The following ECT2L variants were observed in gnomAD, a reference collection of about 807,000 sequenced individuals.
ECT2L encodes epithelial cell transforming 2 like.
ECT2L carries 126 observed loss-of-function variants against 122.8 expected under a neutral mutation model. The observed-to-expected ratio is 1.03, with a 90% CI of 0.89 to 1.19. The LOEUF (loss-of-function observed/expected upper bound fraction) is 1.19, where lower values mean the gene tolerates loss of function less well. ECT2L is among the 50% of genes most tolerant of loss of function. The pLI is 0.00. For synonymous variants in ECT2L, 385 were observed against 381.8 expected, an observed-to-expected ratio of 1.01 and a Z score of -0.10; for missense variants, 1,012 against 1,064.1, an observed-to-expected ratio of 0.95 and a Z score of 0.68.
At chr6:138,885,888 TC>T in intron 18 of ECT2L, 58 bp downstream of exon 18, 1 of 1,531,820 alleles carries the variant, frequency 6.5e-7, no homozygotes, top group Non-Finnish European at 8.9e-7. Context: ...TTTGTGGTAC[TC>T]CCACTCAAAG....
chr6:138,864,526 A>G (rs976555833), intron 11 of ECT2L, among the ~76,000 whole-genome samples: 3 of 152,208 alleles, frequency 2.0e-5, no homozygotes, highest in African/African-American at 7.2e-5. Flanking sequence ...GCGAGGTAGC[A>G]GTTTGACATA....
At chr6:138,871,379 G>A (rs1446411105) in intron 13 of ECT2L, among the ~76,000 whole-genome samples, 2 of 152,154 alleles carry the variant, frequency 1.3e-5, no homozygotes, top group African/African-American at 2.4e-5. Context: ...TGATATTCTG[G>A]AAGTATTTGT....
At chr6:138,838,224 T>G in intron 4 of ECT2L, 128 bp from the exon 5 acceptor site, 3 of 969,520 alleles carry the variant, frequency 3.1e-6, no homozygotes, top group African/African-American at 1.7e-5. Flanking sequence ...AAATCTAGAT[T>G]TATGTTTTGT....
At chr6:138,871,050 G>A (rs1474960096) in intron 13 of ECT2L, among the ~76,000 whole-genome samples, 5 of 152,048 alleles carry the variant, frequency 3.3e-5, no homozygotes, top group African/African-American at 1.2e-4. Flanking sequence ...AGACTCTGTC[G>A]TAAATAAATA....
intron 8 of ECT2L, among the ~76,000 whole-genome samples, chr6:138,847,757 C>A (rs565522681): frequency 2.3e-4 from 35 of 151,896 alleles, no homozygotes; most frequent in Non-Finnish European, 4.4e-4. Flanking sequence ...AACAATAGAA[C>A]CTAAAATCCT....
intron 3 of ECT2L, among the ~76,000 whole-genome samples, chr6:138,813,824 T>G (rs549336553): frequency 6.6e-6 from 1 of 152,258 alleles, no homozygotes; most frequent in East Asian, 1.9e-4. Context: ...GCAAACTGGG[T>G]GCTCTTGTGA....
rs1172339675 is a variant in ECT2L, at chr6:138,902,437, A to AT, written c.2588-57dup. The AT allele has an allele frequency of 4.0e-6, 6 of 1,491,504 alleles. No homozygotes were observed. The South Asian group carries it at 4.9e-5, about 12-fold the overall frequency. 92.4% of individuals were successfully genotyped at this position (1,491,504 alleles called of 1,614,324 possible). On this transcript the variant is annotated intron_variant, in intron 21 of 21. Transcript: ENST00000541398. The stretch of plus-strand genomic sequence containing the variant: ...AAGATGATGATTTTTGAGTATTAAC[A>AT]TTTTTTCTCATTTTGATTGTTATCT...
intron 20 of ECT2L, among the ~76,000 whole-genome samples, chr6:138,890,823 G>T (rs1439223739): frequency 2.0e-5 from 3 of 150,742 alleles, no homozygotes; most frequent in Non-Finnish European, 1.5e-5. Context: ...AGGCAATTTT[G>T]CTGGATACAG....
chr6:138,863,551 C>A (rs1329302972), intron 11 of ECT2L, among the ~76,000 whole-genome samples: 1 of 152,056 alleles, frequency 6.6e-6, no homozygotes, highest in Admixed American at 6.5e-5. Flanking sequence ...GAGAGAGGAA[C>A]TGGCCTAGCA....
chr6:138,838,996 T>G (rs550083952), intron 5 of ECT2L, among the ~76,000 whole-genome samples: 1 of 152,278 alleles, frequency 6.6e-6, no homozygotes, highest in East Asian at 1.9e-4. Context: ...TGGTCAGGCT[T>G]GTCTCGCACT....
intron 20 of ECT2L, among the ~76,000 whole-genome samples, chr6:138,899,039 G>C (rs1333898380): frequency 6.6e-6 from 1 of 152,134 alleles, no homozygotes; most frequent in Non-Finnish European, 1.5e-5. Context: ...CTATTGTGTA[G>C]CCTTTGACCA....
chr6:138,802,840 G>C (rs1461343339), intron 1 of ECT2L, among the ~76,000 whole-genome samples: 1 of 152,168 alleles, frequency 6.6e-6, no homozygotes, highest in Non-Finnish European at 1.5e-5. Context: ...ACTTTGGGAG[G>C]CCGAGGTGGG....
At chr6:138,811,225 T>C (rs1415827568) in intron 1 of ECT2L, among the ~76,000 whole-genome samples, 9 of 152,124 alleles carry the variant, frequency 5.9e-5, no homozygotes, top group African/African-American at 2.2e-4. Context: ...GAGAACCATG[T>C]AGCAAGGAAG....
intron 4 of ECT2L, among the ~76,000 whole-genome samples, chr6:138,827,666 C>T (rs1776498153): frequency 6.6e-6 from 1 of 152,152 alleles, no homozygotes; most frequent in Admixed American, 6.5e-5. Context: ...AAGCAGTCCT[C>T]CTGCCTCTGA....
chr6:138,839,714 A>G (rs1251571759), intron 5 of ECT2L, among the ~76,000 whole-genome samples: 1 of 151,652 alleles, frequency 6.6e-6, no homozygotes, highest in Admixed American at 6.6e-5. Flanking sequence ...TTAATCCATC[A>G]TTTTACTATT....
intron 14 of ECT2L, among the ~76,000 whole-genome samples, chr6:138,878,585 T>C (rs1416670638): frequency 2.6e-5 from 4 of 152,176 alleles, no homozygotes; most frequent in Non-Finnish European, 4.4e-5. Context: ...TAGCTGGGAT[T>C]ACAGGCATGT....
chr6:138,849,351 T>G lies in ECT2L; in HGVS notation c.986T>G (p.Ile329Arg). ...SVTLESLLYLIEKALDGQKAQ... is the reference protein window; with the variant it reads ...SVTLESLLYLREKALDGQKAQ... ...ACCTTGGAAAGCCTTCTGTATCTTA[T>G]AGAAAAAGCTCTGGATGGGCAGAAG... The change falls in exon 9 of 22, where the codon ATA becomes AGA. Residue 329 changes from isoleucine to arginine, a missense_variant. Physicochemically the swap from Ile to Arg is moderately conservative, Grantham distance 97. Coordinates refer to ENST00000541398, the MANE Select transcript of ECT2L (RefSeq NM_001077706.3). 1 of 1,614,100 alleles carries G rather than the reference T, an allele frequency of 6.2e-7. No homozygotes were observed. The highest frequency in any genetic ancestry group is 8.5e-7 in the Non-Finnish European group (1 of 1,180,016).
At chr6:138,887,613 G>A (rs902429318) in intron 19 of ECT2L, among the ~76,000 whole-genome samples, 11 of 152,128 alleles carry the variant, frequency 7.2e-5, no homozygotes, top group African/African-American at 2.7e-4. Flanking sequence ...TAGAAGGCCT[G>A]TGTTAGCGAC....
chr6:138,819,206 G>A (rs1776180317), intron 4 of ECT2L, among the ~76,000 whole-genome samples: 1 of 148,978 alleles, frequency 6.7e-6, no homozygotes, highest in Non-Finnish European at 1.5e-5. Flanking sequence ...TTGCAATTGG[G>A]ATGGTTTTTA....
Sources: allele counts gnomAD v4.1 joint callset (sites outside exome capture counted in the v4.1 genomes callset), GRCh38; gene constraint gnomAD v4.1.1; transcripts MANE v1.5; gene names NCBI Gene and HGNC (gene_info 2026-07-23, HGNC 2026-07-21).